Variants in ADAMTSL1 observed in about 807,000 individuals in gnomAD.
ADAMTSL1 encodes ADAMTS like 1.
A neutral mutation model predicts 201.8 loss-of-function variants in ADAMTSL1; 126 were observed. The observed-to-expected ratio is 0.62, with a 90% CI of 0.54 to 0.72. The LOEUF is 0.72. ADAMTSL1 is among the 30% of genes least tolerant of loss of function. The probability of loss-of-function intolerance (pLI) is 0.00; values close to 1 mark genes in which losing one functional copy is unlikely to be tolerated. For synonymous variants in ADAMTSL1, 1,121 were observed against 903.4 expected, an observed-to-expected ratio of 1.24 and a Z score of -4.32; for missense variants, 2,679 against 2,277.8, an observed-to-expected ratio of 1.18 and a Z score of -3.59.
At chr9:18,222,923 G>T (rs1261883303) in intron 2 of ADAMTSL1, among the ~76,000 whole-genome samples, 1 of 151,928 alleles carries the variant, frequency 6.6e-6, no homozygotes, top group East Asian at 1.9e-4. Flanking sequence ...AAATAGAGCT[G>T]CCAGTGTAAT....
At chr9:18,299,869 C>A (rs889310639) in intron 2 of ADAMTSL1, among the ~76,000 whole-genome samples, 2 of 152,162 alleles carry the variant, frequency 1.3e-5, no homozygotes, top group Non-Finnish European at 2.9e-5. Flanking sequence ...CCAGGAAAGT[C>A]AGAAGGATCC....
chr9:18,877,813 C>A (rs986263236), intron 23 of ADAMTSL1, among the ~76,000 whole-genome samples: 1 of 152,126 alleles, frequency 6.6e-6, no homozygotes, highest in African/African-American at 2.4e-5. Flanking sequence ...GTTTCTCAGG[C>A]AGTGGGCAGG....
chr9:17,961,328 A>C (rs947288470), intron 1 of ADAMTSL1, among the ~76,000 whole-genome samples: 4 of 152,054 alleles, frequency 2.6e-5, no homozygotes, highest in Admixed American at 2.0e-4. Context: ...GGCTAACCAC[A>C]ACCTCCACCT....
chr9:18,158,112 G>A (rs1462538458), intron 1 of ADAMTSL1, among the ~76,000 whole-genome samples: 1 of 151,968 alleles, frequency 6.6e-6, no homozygotes, highest in East Asian at 1.9e-4. Context: ...TGTATAAATG[G>A]CCAGTTCATT....
intron 1 of ADAMTSL1, among the ~76,000 whole-genome samples, chr9:18,016,578 C>A (rs1820270303): frequency 1.3e-5 from 2 of 152,038 alleles, no homozygotes; most frequent in South Asian, 4.2e-4. Context: ...CTCCTGACCC[C>A]CTTACCAACT....
chr9:18,645,239 G>C (rs896839826), intron 7 of ADAMTSL1, among the ~76,000 whole-genome samples: 1 of 152,048 alleles, frequency 6.6e-6, no homozygotes, highest in Non-Finnish European at 1.5e-5. Flanking sequence ...GGGGTTGTTT[G>C]TTTTATTCTT....
chr9:18,127,086 G>T (rs1266487901), intron 1 of ADAMTSL1, among the ~76,000 whole-genome samples: 2 of 152,168 alleles, frequency 1.3e-5, no homozygotes, highest in African/African-American at 4.8e-5. Flanking sequence ...GTGTGTAACT[G>T]GGAGCTCATT....
intron 2 of ADAMTSL1, among the ~76,000 whole-genome samples, chr9:18,369,277 C>G (rs1010194592): frequency 1.3e-5 from 2 of 152,138 alleles, no homozygotes; most frequent in African/African-American, 2.4e-5. Flanking sequence ...ATTAATTAGC[C>G]TTACTAAATC....
At chr9:18,375,757 G>T (rs991595750) in intron 2 of ADAMTSL1, among the ~76,000 whole-genome samples, 1 of 152,236 alleles carries the variant, frequency 6.6e-6, no homozygotes, top group African/African-American at 2.4e-5. Context: ...CCAGCGGGTT[G>T]CCACTGCTGG....
intron 2 of ADAMTSL1, among the ~76,000 whole-genome samples, chr9:18,353,169 T>C (rs886420662): frequency 6.6e-6 from 1 of 152,206 alleles, no homozygotes; most frequent in African/African-American, 2.4e-5. Flanking sequence ...AGGAACTCAG[T>C]TCATTTATAT....
intron 2 of ADAMTSL1, among the ~76,000 whole-genome samples, chr9:18,509,162 G>C (rs1817864348): frequency 1.4e-5 from 1 of 70,926 alleles, no homozygotes; most frequent in Non-Finnish European, 2.5e-5. Flanking sequence ...CCGCAGTCCG[G>C]CCTGGGCGAC....
chr9:18,656,380 C>T (rs565336568), intron 7 of ADAMTSL1, among the ~76,000 whole-genome samples: 21 of 152,102 alleles, frequency 1.4e-4, no homozygotes, highest in African/African-American at 4.8e-4. Context: ...GCCTGTTATC[C>T]CAGCACTTTG....
chr9:17,983,383 A>C (rs898184057), intron 1 of ADAMTSL1, among the ~76,000 whole-genome samples: 1 of 152,058 alleles, frequency 6.6e-6, no homozygotes, highest in African/African-American at 2.4e-5. Context: ...TTCAACTTTT[A>C]AAGAATCCTA....
chr9:18,884,663 C>T (rs1828744154), intron 23 of ADAMTSL1, among the ~76,000 whole-genome samples: 1 of 152,052 alleles, frequency 6.6e-6, no homozygotes, highest in Admixed American at 6.6e-5. Flanking sequence ...CTGTCCTTTC[C>T]CCATTGAATG....
At chr9:18,550,822 G>GT (rs917784904) in intron 3 of ADAMTSL1, among the ~76,000 whole-genome samples, 2 of 151,664 alleles carry the variant, frequency 1.3e-5, no homozygotes, top group Admixed American at 1.3e-4. Context: ...ACTTTGGTGG[G>GT]TTTTTTTAAA....
chr9:18,152,217 G>A (rs1587168492), intron 1 of ADAMTSL1, among the ~76,000 whole-genome samples: 2 of 152,194 alleles, frequency 1.3e-5, no homozygotes, highest in East Asian at 3.9e-4. Flanking sequence ...CTCGCTACAA[G>A]AGCAGGACCT....
At chr9:18,396,565 TTAAA>T (rs1254746317) in intron 2 of ADAMTSL1, among the ~76,000 whole-genome samples, 1 of 148,198 alleles carries the variant, frequency 6.7e-6, no homozygotes, top group Non-Finnish European at 1.5e-5. Flanking sequence ...TTAATATTAA[TTAAA>T]TTTTACATTA....
At chr9:18,832,747 G>A (rs989373193) in intron 23 of ADAMTSL1, among the ~76,000 whole-genome samples, 2 of 152,176 alleles carry the variant, frequency 1.3e-5, no homozygotes, top group African/African-American at 4.8e-5. Flanking sequence ...GATATATACA[G>A]GATGAAAGCC....
At chr9:18,890,634 G>A in intron 25 of ADAMTSL1, 1 of 455,740 alleles carries the variant, frequency 2.2e-6, no homozygotes, top group South Asian at 1.5e-5. Flanking sequence ...AGTTTGACTT[G>A]CTGACGGGAA....
Sources: gnomAD v4.1 joint callset for allele counts (sites outside exome capture counted in the v4.1 genomes callset) on GRCh38, gnomAD v4.1.1 for gene constraint, MANE v1.5 for transcripts, NCBI Gene and HGNC (gene_info 2026-07-23, HGNC 2026-07-21) for gene names.